ATF2: variants seen among roughly 807,000 people sequenced by gnomAD.
The protein encoded by ATF2 is activating transcription factor 2.
Under a neutral mutation model 60.6 loss-of-function variants are expected in ATF2, and 24 were observed. The observed-to-expected ratio is 0.40, with a 90% CI of 0.29 to 0.56. The LOEUF is 0.56. Ranked by LOEUF, ATF2 falls within the 20% of genes least tolerant of loss-of-function variation. The pLI is 0.54. For synonymous variants in ATF2, 206 were observed against 215.4 expected (o/e 0.96, Z 0.38); for missense variants, 433 against 607.7 (o/e 0.71, Z 3.02).
chr2:175,078,698 G>A (rs909985303), intron 13 of ATF2, among the ~76,000 whole-genome samples: 1 of 152,168 alleles, frequency 6.6e-6, no homozygotes, highest in Non-Finnish European at 1.5e-5. Flanking sequence ...GATTTAGCTA[G>A]TATTACAACT....
At chr2:175,122,779 G>A (rs1266283905) in intron 4 of ATF2, among the ~76,000 whole-genome samples, 1 of 151,704 alleles carries the variant, frequency 6.6e-6, no homozygotes, top group Non-Finnish European at 1.5e-5. Flanking sequence ...ATATAGTTAA[G>A]TACTCAATAA....
chr2:175,139,663 CAAAA>C (rs201481065), intron 2 of ATF2, among the ~76,000 whole-genome samples: 7 of 80,126 alleles, frequency 8.7e-5, no homozygotes, highest in African/African-American at 9.0e-5. Flanking sequence ...GACTCCATCT[CAAAA>C]AAAAAAAAAA....
chr2:175,105,967 G>A (rs1182572460), intron 10 of ATF2, among the ~76,000 whole-genome samples: 1 of 152,086 alleles, frequency 6.6e-6, no homozygotes, highest in Non-Finnish European at 1.5e-5. Flanking sequence ...ATCAAAATTT[G>A]TGCACAGAGG....
intron 13 of ATF2, among the ~76,000 whole-genome samples, chr2:175,078,009 C>T (rs114650016): frequency 1.3e-5 from 2 of 152,312 alleles, no homozygotes; most frequent in African/African-American, 4.8e-5. Context: ...TCCCTGTCGC[C>T]CAGGCTGGAG....
chr2:175,122,552 A>G (rs1000267596), intron 4 of ATF2, among the ~76,000 whole-genome samples: 1 of 152,034 alleles, frequency 6.6e-6, no homozygotes, highest in Non-Finnish European at 1.5e-5. Context: ...CATGCAACTA[A>G]TAATAGTAGC....
At chr2:175,154,225 G>GA (rs748103537) in intron 1 of ATF2, among the ~76,000 whole-genome samples, 12,090 of 141,518 alleles carry the variant, frequency 0.085, 632 homozygotes, top group African/African-American at 0.15. Context: ...AAAAAGAAAA[G>GA]AAAAAAAAAA....
At chr2:175,160,614 A>T (rs1013798345) in intron 1 of ATF2, among the ~76,000 whole-genome samples, 2 of 152,226 alleles carry the variant, frequency 1.3e-5, no homozygotes, top group Admixed American at 1.3e-4. Context: ...TTGATAGTGT[A>T]GTTATAATTG....
intron 12 of ATF2, among the ~76,000 whole-genome samples, chr2:175,089,071 T>C (rs1323940353): frequency 6.6e-6 from 1 of 151,864 alleles, no homozygotes; most frequent in Non-Finnish European, 1.5e-5. Context: ...TCCCAGCTAC[T>C]CAGGAGGCTG....
At position 175,074,713 on chromosome 2, in the gene ATF2, C is replaced by G. The variant is rs749945884; in HGVS notation, c.1414G>C (p.Val472Leu). The G allele has an allele frequency of 6.2e-7, 1 of 1,613,104 alleles. No individual in the cohort carries two copies. The highest frequency in any genetic ancestry group is 2.2e-5 in the East Asian group (1 of 44,854). The change falls in exon 14 of 14, where the codon GTA becomes CTA. Residue 472 changes from valine to leucine, a missense_variant. Coordinates refer to ENST00000264110, the MANE Select transcript of ATF2 (RefSeq NM_001880.4). ...ATCTGGGTGAGGACTGAAGTGGCTACAGCTTCTGCCTTGGAGGTTGAACTG... is the reference window on the plus strand; with the variant it reads ...ATCTGGGTGAGGACTGAAGTGGCTAGAGCTTCTGCCTTGGAGGTTGAACTG... ...GVSSTSKAEA[V>L]ATSVLTQMAD...
At chr2:175,118,678 A>G (rs1403579139) in intron 5 of ATF2, among the ~76,000 whole-genome samples, 1 of 151,734 alleles carries the variant, frequency 6.6e-6, no homozygotes, top group African/African-American at 2.4e-5. Flanking sequence ...ATTATCTAAC[A>G]CAGTATAAAG....
At chr2:175,092,978 G>T in intron 12 of ATF2, 83 bp downstream of exon 12, 2 of 1,433,560 alleles carry the variant, frequency 1.4e-6, no homozygotes, top group South Asian at 2.6e-5. Flanking sequence ...TAAAATGTTT[G>T]GAGGCCCAAC....
intron 10 of ATF2, among the ~76,000 whole-genome samples, chr2:175,102,713 G>A (rs977322238): frequency 2.6e-5 from 4 of 151,452 alleles, no homozygotes; most frequent in African/African-American, 4.9e-5. Context: ...AGGCTGCAGT[G>A]AGCTCTGGCC....
Position 175,136,479 on chromosome 2 carries a change from C to G in ATF2, c.-36G>C, listed in dbSNP as rs1480870265. 1 of 1,581,034 alleles carries G rather than the reference C, an allele frequency of 6.3e-7. No homozygotes were observed. Among genetic ancestry groups the G allele is most frequent in the Non-Finnish European group, 8.6e-7 (1 of 1,157,480 alleles). On this transcript the variant is annotated 5_prime_UTR_variant, in exon 3 of 14. Coordinates refer to ENST00000264110, the MANE Select transcript of ATF2 (RefSeq NM_001880.4). ...ACTTATCACATTCTTTTTCTCATGG[C>G]AAGAATACTGAAAAACAAAGTGGTT...
intron 3 of ATF2, 108 bp downstream of exon 3, chr2:175,136,304 G>T: frequency 9.5e-7 from 1 of 1,056,494 alleles, no homozygotes; most frequent in Non-Finnish European, 1.4e-6. Context: ...GACTTGTTTT[G>T]TATGGAAAAA....
intron 1 of ATF2, among the ~76,000 whole-genome samples, chr2:175,154,843 G>A (rs1699566099): frequency 6.6e-6 from 1 of 152,172 alleles, no homozygotes; most frequent in South Asian, 2.1e-4. Context: ...CAAATTTCCT[G>A]GTAAGAGCCA....
At chr2:175,141,753 G>C (rs1346012436) in intron 2 of ATF2, among the ~76,000 whole-genome samples, 1 of 151,806 alleles carries the variant, frequency 6.6e-6, no homozygotes, top group Non-Finnish European at 1.5e-5. Flanking sequence ...TTGGCCTCCC[G>C]AAGTGCTGGG....
chr2:175,133,922 A>C (rs1490499926), intron 3 of ATF2, among the ~76,000 whole-genome samples: 1 of 152,212 alleles, frequency 6.6e-6, no homozygotes, highest in African/African-American at 2.4e-5. Context: ...ATTTAACCTA[A>C]TACTAGGAAA....
At chr2:175,151,717 A>G (rs928528406) in intron 1 of ATF2, among the ~76,000 whole-genome samples, 2 of 152,180 alleles carry the variant, frequency 1.3e-5, no homozygotes, top group African/African-American at 4.8e-5. Context: ...ACTCAAAATA[A>G]CTGGCTTAAA....
chr2:175,088,166 G>A (rs1244513792), intron 12 of ATF2, among the ~76,000 whole-genome samples: 1 of 152,120 alleles, frequency 6.6e-6, no homozygotes, highest in Non-Finnish European at 1.5e-5. Context: ...AGCTTCAAAT[G>A]TAAGTATTAG....
Sources: allele counts gnomAD v4.1 joint callset (sites outside exome capture counted in the v4.1 genomes callset), GRCh38; gene constraint gnomAD v4.1.1; transcripts MANE v1.5; gene names NCBI Gene and HGNC (gene_info 2026-07-23, HGNC 2026-07-21).